Variants in OGG1 observed in about 807,000 individuals in gnomAD.
OGG1 encodes N-glycosylase/DNA lyase.
In OGG1, 35 loss-of-function variants were observed where a neutral mutation model predicts 42.3. The observed-to-expected ratio is 0.83, with a 90% CI of 0.63 to 1.10. The LOEUF (loss-of-function observed/expected upper bound fraction) is 1.10. OGG1 is among the 50% of genes least tolerant of loss of function. The pLI, the probability that OGG1 is intolerant of heterozygous loss-of-function variation, is 0.00. For missense variants in OGG1, 484 were observed against 446.7 expected (o/e 1.08, Z -0.75); for synonymous variants, 189 against 179.0 (o/e 1.06, Z -0.44).
chr3:9,787,968 A>T (rs1045680916), exon 4 of OGG1: 47 of 341,174 alleles, frequency 1.4e-4, no homozygotes, highest in Non-Finnish European at 2.0e-4. Flanking sequence ...AATGAGGGCG[A>T]GATACTTGGT....
chr3:9,759,043 G>A, downstream of OGG1: 1 of 749,670 alleles, frequency 1.3e-6, no homozygotes, highest in Non-Finnish European at 2.4e-6. Context: ...AAGAGGCCTG[G>A]CCCCTTACCT....
intron 4 of OGG1, 38 bp from the exon 5 acceptor site, chr3:9,756,429 GCTGC>G (rs1404233891): frequency 6.2e-7 from 1 of 1,610,856 alleles, no homozygotes; most frequent in Non-Finnish European, 8.5e-7. Flanking sequence ...CTGGCCACAT[GCTGC>G]CCTTCTTCCA....
At chr3:9,752,069 G>A (rs949200532) in intron 3 of OGG1, 120 bp downstream of exon 3, 12 of 908,308 alleles carry the variant, frequency 1.3e-5, no homozygotes, top group African/African-American at 1.1e-4. Context: ...ATCCAGAACC[G>A]CCCTGCCTGG....
In OGG1 at chr3:9,751,095, G is replaced by A; in HGVS notation, c.288G>A (p.Val96=). 6.2e-7 allele frequency: 1 copy of A among 1,614,142 alleles called. No homozygotes were observed. The highest frequency in any genetic ancestry group is 2.2e-5 in the East Asian group (1 of 44,888). ...CCACACCAGACGAGCTGGAGGCCGT[G>A]CGCAAGTACTTCCAGCTAGATGTTA... ...SRPTPDELEA[V]RKYFQLDVTL... Residue 96 remains valine (V), a synonymous_variant, in exon 2 of 7, where the codon GTG becomes GTA. Transcript: ENST00000344629.
At chr3:9,761,627 G>A (rs373676357), downstream of OGG1, 212 of 1,613,924 alleles carry the variant, frequency 1.3e-4, no homozygotes, top group Non-Finnish European at 1.7e-4. Context: ...AGGGCCCTCC[G>A]CACCCACGTA....
chr3:9,755,524 T>C (rs1347707642), intron 4 of OGG1, among the ~76,000 whole-genome samples: 1 of 149,182 alleles, frequency 6.7e-6, no homozygotes, highest in Admixed American at 6.8e-5. Flanking sequence ...AGTGCAGTGG[T>C]GCAATCTCGG....
At chr3:9,760,455 C>A, downstream of OGG1, 1 of 537,762 alleles carries the variant, frequency 1.9e-6, no homozygotes, top group Non-Finnish European at 3.4e-6. Context: ...AAATGAATGC[C>A]TAGTTTCTCA....
At chr3:9,750,451 C>G in intron 1 of OGG1, 28 bp downstream of exon 1, 1 of 1,613,032 alleles carries the variant, frequency 6.2e-7, no homozygotes, top group South Asian at 1.1e-5. Flanking sequence ...AGAAGCCTGT[C>G]CCCTCGGACT....
chr3:9,759,633 C>T (rs370723271), downstream of OGG1: 1 of 1,613,984 alleles, frequency 6.2e-7, no homozygotes, highest in African/African-American at 1.3e-5. Flanking sequence ...CTGAGGGCCC[C>T]AAATCCCGCC....
intron 3 of OGG1, among the ~76,000 whole-genome samples, chr3:9,786,840 T>G (rs572914023): frequency 8.8e-4 from 134 of 152,366 alleles, no homozygotes; most frequent in African/African-American, 3.2e-3. Context: ...GCACAAGTTA[T>G]ATATTATTCC....
At chr3:9,757,644 G>A, downstream of OGG1, 1 of 1,614,114 alleles carries the variant, frequency 6.2e-7, no homozygotes, top group Non-Finnish European at 8.5e-7. This position sits in a 1 kb window ranked among gnomAD's most constrained non-coding sequence, Gnocchi z 4.5. Flanking sequence ...ACAGAACAGA[G>A]GTGGCCGCAG....
chr3:9,775,831 G>C (rs1332126738), intron 2 of OGG1, among the ~76,000 whole-genome samples: 4 of 152,074 alleles, frequency 2.6e-5, no homozygotes, highest in Non-Finnish European at 5.9e-5. Context: ...GTAGAGACAG[G>C]GTTTCACCAT....
downstream of OGG1, chr3:9,757,722 T>C (rs768729722): frequency 6.2e-7 from 1 of 1,614,046 alleles, no homozygotes; most frequent in Admixed American, 1.7e-5. The surrounding 1 kb of genome is among the most constrained non-coding windows in gnomAD (Gnocchi z 4.5). Context: ...CAGAGCCCGC[T>C]CCTCACCCCC....
At position 9,764,193 on chromosome 3, in the gene OGG1, A is replaced by G. The variant is rs536593163; in HGVS notation, c.1049-1616A>G. Among the ~76,000 whole-genome samples, 5 of 152,318 alleles carry G rather than the reference A, an allele frequency of 3.3e-5. No homozygotes were observed. In the East Asian group the frequency reaches 7.7e-4, roughly 24 times the overall value. ...GAAGCCAATGGTAGTACTTCCCTCA[A>G]AGAGTTGGAGTGAGGATCATGTGAG... On this transcript the variant is annotated intron_variant, in intron 7 of 7. Transcript: ENST00000302008.
chr3:9,782,410 G>A (rs2078497133), intron 3 of OGG1, among the ~76,000 whole-genome samples: 1 of 152,190 alleles, frequency 6.6e-6, no homozygotes, highest in African/African-American at 2.4e-5. Context: ...CTCCTGGGTT[G>A]TTGTCAAGAC....
At chr3:9,783,768 A>T in intron 3 of OGG1, 1 of 482,492 alleles carries the variant, frequency 2.1e-6, no homozygotes, top group Non-Finnish European at 3.4e-6. Context: ...ACAGTGCGAG[A>T]CTCCCTCTCA....
downstream of OGG1, chr3:9,789,510 T>C: frequency 6.2e-7 from 1 of 1,613,826 alleles, no homozygotes; most frequent in South Asian, 1.1e-5. Flanking sequence ...AGTTTCTACC[T>C]TGTAATGCTC....
chr3:9,780,253 T>C, intron 2 of OGG1: 1 of 1,279,768 alleles, frequency 7.8e-7, no homozygotes, highest in South Asian at 1.4e-5. Context: ...ACTGCCGCCA[T>C]TTGAGGGACA....
chr3:9,784,239 A>G, intron 3 of OGG1: 1 of 1,590,054 alleles, frequency 6.3e-7, no homozygotes, highest in South Asian at 1.1e-5. Flanking sequence ...GGCCCGTCAG[A>G]CTCAAGAGCC....
Sources: allele counts gnomAD v4.1 joint callset (sites outside exome capture counted in the v4.1 genomes callset), GRCh38; gene constraint gnomAD v4.1.1; non-coding constraint Gnocchi (gnomAD v3.1); transcripts MANE v1.5; gene names NCBI Gene and HGNC (gene_info 2026-07-23, HGNC 2026-07-21).